The following CNTNAP2 variants were observed in gnomAD, a reference collection of about 807,000 sequenced individuals.
The protein encoded by CNTNAP2 is contactin-associated protein-like 2.
CNTNAP2 carries 98 observed loss-of-function variants against 155.2 expected under a neutral mutation model. The observed-to-expected ratio is 0.63, with a 90% CI of 0.54 to 0.75. The LOEUF (loss-of-function observed/expected upper bound fraction) is 0.75, where lower values mean the gene tolerates loss of function less well. CNTNAP2 is among the 30% of genes least tolerant of loss of function. The pLI, the probability that CNTNAP2 is intolerant of heterozygous loss-of-function variation, is 0.00. For missense variants in CNTNAP2, 1,727 were observed against 1,688.1 expected (o/e 1.02, Z -0.40); for synonymous variants, 651 against 631.2 (o/e 1.03, Z -0.47).
intron 3 of CNTNAP2, among the ~76,000 whole-genome samples, chr7:146,890,456 T>G (rs1795752929): frequency 3.3e-5 from 5 of 152,226 alleles, no homozygotes; most frequent in Admixed American, 3.3e-4. Context: ...GGCACCACTT[T>G]TTAAAATTTT....
intron 3 of CNTNAP2, among the ~76,000 whole-genome samples, chr7:146,993,211 G>T (rs1362543515): frequency 2.0e-5 from 3 of 152,142 alleles, no homozygotes; most frequent in Non-Finnish European, 2.9e-5. Context: ...TCTGACTTGG[G>T]GTTGGCATAT....
chr7:148,150,472 CG>C (rs1184013893), intron 17 of CNTNAP2, among the ~76,000 whole-genome samples: 1 of 151,328 alleles, frequency 6.6e-6, no homozygotes, highest in Non-Finnish European at 1.5e-5. Flanking sequence ...GGTGTGAACC[CG>C]GGAGGCAGAG....
intron 8 of CNTNAP2, among the ~76,000 whole-genome samples, chr7:147,264,829 C>A (rs1415408812): frequency 6.6e-6 from 1 of 151,982 alleles, no homozygotes; most frequent in African/African-American, 2.4e-5. Flanking sequence ...TTACTGTTTT[C>A]CTAAACAGCT....
At chr7:147,151,406 T>C (rs1402616442) in intron 8 of CNTNAP2, among the ~76,000 whole-genome samples, 1 of 152,118 alleles carries the variant, frequency 6.6e-6, no homozygotes, top group Non-Finnish European at 1.5e-5. Context: ...GACAAAATGA[T>C]AGTAAAGTCA....
intron 8 of CNTNAP2, among the ~76,000 whole-genome samples, chr7:147,272,664 A>ATTTTTTTTTTTTTTTTTTTTTTTT (rs71182188): frequency 2.2e-5 from 3 of 138,930 alleles, no homozygotes; most frequent in Non-Finnish European, 4.7e-5. Flanking sequence ...CGCCCGGCTA[A>ATTTTTTTTTTTTTTTTTTTTTTTT]TTTTTTTTTT....
intron 16 of CNTNAP2, among the ~76,000 whole-genome samples, chr7:148,146,524 A>C (rs368020873): frequency 1.9e-4 from 29 of 152,366 alleles, no homozygotes; most frequent in East Asian, 9.6e-4. Flanking sequence ...AGAGGTGACT[A>C]ATTGCAGAGG....
At chr7:147,205,738 C>A (rs1292735525) in intron 8 of CNTNAP2, among the ~76,000 whole-genome samples, 1 of 150,748 alleles carries the variant, frequency 6.6e-6, no homozygotes, top group Non-Finnish European at 1.5e-5. Flanking sequence ...TTACCAGCAG[C>A]TGGGAAGGGA....
intron 1 of CNTNAP2, among the ~76,000 whole-genome samples, chr7:146,179,598 A>T (rs1224511714): frequency 6.6e-6 from 1 of 152,164 alleles, no homozygotes; most frequent in Admixed American, 6.6e-5. Flanking sequence ...ACCTGAAGGT[A>T]TCCTAGAGAT....
At chr7:147,099,974 GC>G (rs1350804396) in intron 4 of CNTNAP2, among the ~76,000 whole-genome samples, 1 of 152,158 alleles carries the variant, frequency 6.6e-6, no homozygotes, top group Non-Finnish European at 1.5e-5. Context: ...TAGATTATAT[GC>G]TAATTTTCAG....
intron 3 of CNTNAP2, among the ~76,000 whole-genome samples, chr7:146,851,298 T>C (rs1443499167): frequency 1.3e-5 from 2 of 152,194 alleles, no homozygotes; most frequent in East Asian, 1.9e-4. Flanking sequence ...TTTCTAATTT[T>C]CAATACAAAA....
chr7:146,679,178 A>T lies in CNTNAP2; in HGVS notation c.98-95093A>T, dbSNP rs117093069. Among the ~76,000 whole-genome samples, 252 of 152,128 alleles carry T rather than the reference A, an allele frequency of 1.7e-3. 2 individuals carry two copies. The highest frequency in any genetic ancestry group is 4.6e-3 in the Admixed American group (71 of 15,280). The stretch of plus-strand genomic sequence containing the variant: ...CTCCTCCCACCCTCAGCCTTCTGAT[A>T]GGCCCTAGTGTGTATTGTTCCCTTT... On this transcript the variant is annotated intron_variant, in intron 1 of 23. Transcript: ENST00000361727.
chr7:147,312,416 C>T (rs1233402276), intron 9 of CNTNAP2, among the ~76,000 whole-genome samples: 2 of 137,072 alleles, frequency 1.5e-5, no homozygotes, highest in Non-Finnish European at 3.1e-5. Flanking sequence ...CCCCCCTCCC[C>T]CGACCCCACA....
intron 2 of CNTNAP2, among the ~76,000 whole-genome samples, chr7:146,829,457 C>T (rs976947761): frequency 6.6e-5 from 10 of 151,916 alleles, no homozygotes; most frequent in Non-Finnish European, 1.5e-4. Context: ...AAAATCAGCT[C>T]AATATTCAGT....
chr7:148,356,863 C>T (rs187020741), intron 21 of CNTNAP2, among the ~76,000 whole-genome samples: 9 of 150,540 alleles, frequency 6.0e-5, no homozygotes, highest in Admixed American at 1.3e-4. Context: ...GTCCCATGAT[C>T]GAAAATTTTA....
At chr7:147,944,738 G>A (rs1442090622) in intron 14 of CNTNAP2, among the ~76,000 whole-genome samples, 1 of 152,162 alleles carries the variant, frequency 6.6e-6, no homozygotes, top group African/African-American at 2.4e-5. Flanking sequence ...CACTTAAAGG[G>A]TTGTAGGGAT....
At chr7:147,885,721 T>C (rs1285888849) in intron 13 of CNTNAP2, among the ~76,000 whole-genome samples, 1 of 152,180 alleles carries the variant, frequency 6.6e-6, no homozygotes, top group African/African-American at 2.4e-5. Context: ...AATCTGATGA[T>C]GTCGGCCAAC....
chr7:146,127,314 T>G (rs1313250923), intron 1 of CNTNAP2, among the ~76,000 whole-genome samples: 3 of 152,198 alleles, frequency 2.0e-5, no homozygotes, highest in Non-Finnish European at 4.4e-5. Flanking sequence ...TTTGCTCTAA[T>G]CACAGGTGAA....
intron 1 of CNTNAP2, among the ~76,000 whole-genome samples, chr7:146,571,770 G>A (rs950284294): frequency 6.8e-6 from 1 of 146,186 alleles, no homozygotes; most frequent in Non-Finnish European, 1.5e-5. Context: ...CTCAATCTGT[G>A]GCCCAGGCTG....
intron 12 of CNTNAP2, among the ~76,000 whole-genome samples, chr7:147,616,203 C>T (rs1468366234): frequency 1.3e-5 from 2 of 152,114 alleles, no homozygotes; most frequent in African/African-American, 4.8e-5. Context: ...CTGTCACCTC[C>T]ACTGCCACCA....
Sources: gnomAD v4.1 joint callset for allele counts (sites outside exome capture counted in the v4.1 genomes callset) on GRCh38, gnomAD v4.1.1 for gene constraint, MANE v1.5 for transcripts, NCBI Gene and HGNC (gene_info 2026-07-23, HGNC 2026-07-21) for gene names.